Variants in DNAAF2 observed in about 807,000 individuals in gnomAD.
DNAAF2 encodes the protein protein kintoun.
Under a neutral mutation model 48.8 loss-of-function variants are expected in DNAAF2, and 58 were observed. The observed-to-expected ratio is 1.19, with a 90% confidence interval of 0.96 to 1.48. DNAAF2 has a LOEUF of 1.48. Ranked by LOEUF, DNAAF2 falls within the 40% of genes most tolerant of loss-of-function variation. The probability of loss-of-function intolerance (pLI) is 0.00; values close to 1 mark genes in which losing one functional copy is unlikely to be tolerated. For missense variants in DNAAF2, 1,241 were observed against 1,116.1 expected, an observed-to-expected ratio of 1.11 and a Z score of -1.59; for synonymous variants, 567 against 481.2, an observed-to-expected ratio of 1.18 and a Z score of -2.33.
chr14:49,625,470 C>G lies in DNAAF2; in HGVS notation c.*72G>C. 1 of 1,159,000 alleles carries G rather than the reference C, an allele frequency of 8.6e-7. No individual in the cohort carries two copies. The highest frequency in any genetic ancestry group is 1.1e-6 in the Non-Finnish European group (1 of 881,684). 71.8% of individuals were successfully genotyped at this position (1,159,000 alleles called of 1,614,324 possible). On this transcript the variant is annotated 3_prime_UTR_variant, in exon 3 of 3. Transcript: ENST00000298292. Reference sequence around the variant, plus strand: ...TTTAATACCTTTAGTTTTAAGACAACAGTTAACAGAATCAATTTTAGATAC... The same window carrying G: ...TTTAATACCTTTAGTTTTAAGACAAGAGTTAACAGAATCAATTTTAGATAC...
intron 2 of DNAAF2, among the ~76,000 whole-genome samples, chr14:49,626,344 C>A (rs553342724): frequency 6.6e-6 from 1 of 151,982 alleles, no homozygotes; most frequent in African/African-American, 2.4e-5. Flanking sequence ...AAAAATTAGC[C>A]GGGTGTGGTG....
rs184785915 is a variant in DNAAF2 at position 49,625,945 on chromosome 14, G to A, written c.2111C>T (p.Pro704Leu). Reference sequence around the variant, plus strand: ...TATAGATGAATCAGAATCAGTTGTAGGGGTGTTACAATGTTCTATATATTC... The same window carrying A: ...TATAGATGAATCAGAATCAGTTGTAAGGGTGTTACAATGTTCTATATATTC... ...EKEYIEHCNT[P>L]TTDSDSSIAV... Residue 704 changes from proline (P) to leucine (L), a missense_variant, in exon 3 of 3, where the codon CCT (proline) becomes CTT (leucine). By Grantham distance (98) the Pro-to-Leu change is moderately conservative. Coordinates refer to ENST00000298292, the MANE Select transcript of DNAAF2 (RefSeq NM_018139.3). 6.2e-7 allele frequency: 1 copy of A among 1,612,948 alleles called. No individual in the cohort carries two copies. Among genetic ancestry groups the A allele is most frequent in the African/African-American group, 1.3e-5 (1 of 74,972 alleles).
chr14:49,633,528 G>A lies in DNAAF2; in HGVS notation c.1622C>T (p.Pro541Leu), dbSNP rs757899121. ...TTGAAGACTTTGCGGCTGGATCCGA[G>A]GCACCTGAATGAGCAGAGTCAAGGT... is the stretch of plus-strand genomic sequence containing the variant. ...KETLTLLIQV[P>L]RIQPQSLQGD... Residue 541 changes from proline (P) to leucine (L), a missense_variant, in exon 1 of 3, where the codon CCT becomes CTT. Pro to Leu is a moderately conservative substitution (Grantham distance 98). Coordinates refer to ENST00000298292, the MANE Select transcript of DNAAF2 (RefSeq NM_018139.3). 15 of 1,614,050 alleles carry A rather than the reference G, an allele frequency of 9.3e-6. No individual in the cohort carries two copies. In the East Asian group the frequency reaches 3.1e-4, roughly 34 times the overall value.
chr14:49,635,111 C>A lies in DNAAF2; in HGVS notation c.39G>T (p.Leu13Phe). 6.4e-7 allele frequency: 1 copy of A among 1,573,762 alleles called. No individual in the cohort carries two copies. The highest frequency in any genetic ancestry group is 8.6e-7 in the Non-Finnish European group (1 of 1,160,482). Residue 13 changes from leucine to phenylalanine, a missense_variant, in exon 1 of 3, where the codon TTG becomes TTT. By Grantham distance (22) the Leu-to-Phe change is conservative (BLOSUM62 0). Coordinates refer to ENST00000298292, the MANE Select transcript of DNAAF2 (RefSeq NM_018139.3). ...KAAASSSLED[L>F]DLSGEEVQRL... Reference sequence around the variant, plus strand: ...GCTGGACCTCCTCTCCGCTCAGGTCCAAGTCCTCCAGCGACGAGGAGGCCG... The same window carrying A: ...GCTGGACCTCCTCTCCGCTCAGGTCAAAGTCCTCCAGCGACGAGGAGGCCG...
rs1883214634 is a variant in DNAAF2 at position 49,633,347 on chromosome 14, A to C, written c.1803T>G (p.Ser601=). 1.2e-6 allele frequency: 2 copies of C among 1,613,912 alleles called. No individual in the cohort carries two copies. Among genetic ancestry groups the C allele is most frequent in the Admixed American group, 1.7e-5 (1 of 59,994 alleles). The change falls in exon 1 of 3, where the codon TCT becomes TCG. Residue 601 remains serine (S), a synonymous_variant. Transcript: ENST00000298292. ...SNNAVIELAK[S]PESHGHWREW... Reference sequence around the variant, plus strand: ...CTCTCCAATGTCCATGGCTCTCTGGAGATTTTGCCAGTTCTATCACTGCAT... The same window carrying C: ...CTCTCCAATGTCCATGGCTCTCTGGCGATTTTGCCAGTTCTATCACTGCAT...
chr14:49,629,790 G>A (rs1883105715), intron 1 of DNAAF2: 1 of 152,220 alleles, frequency 6.6e-6, no homozygotes, highest in African/African-American at 2.4e-5. Flanking sequence ...ACGGGCGTGA[G>A]CCACTGCACC....
intron 1 of DNAAF2, among the ~76,000 whole-genome samples, chr14:49,631,826 T>C (rs1342716757): frequency 6.6e-6 from 1 of 152,236 alleles, no homozygotes; most frequent in Non-Finnish European, 1.5e-5. Flanking sequence ...CTCTTTATGA[T>C]TATTTTCATG....
In DNAAF2 at chr14:49,633,566, A is replaced by C; in HGVS notation, c.1584T>G (p.Asn528Lys). ...GEPLCPPLLC[N>K]QDKETLTLLI... ...GCAGAGTCAAGGTTTCTTTGTCCTGATTACACAGTAACGGAGGACACAAAG... is the reference window on the plus strand; with the variant it reads ...GCAGAGTCAAGGTTTCTTTGTCCTGCTTACACAGTAACGGAGGACACAAAG... Residue 528 changes from asparagine (N) to lysine (K), a missense_variant, in exon 1 of 3, where the codon AAT becomes AAG. Coordinates refer to ENST00000298292, the MANE Select transcript of DNAAF2 (RefSeq NM_018139.3). 1.2e-6 allele frequency: 2 copies of C among 1,613,982 alleles called. No homozygotes were observed. Among genetic ancestry groups the C allele is most frequent in the Non-Finnish European group, 8.5e-7 (1 of 1,179,866 alleles).
chr14:49,629,974 A>AT (rs1364576479), intron 1 of DNAAF2: 1 of 151,834 alleles, frequency 6.6e-6, no homozygotes, highest in African/African-American at 2.4e-5. Context: ...GCTCATGCTT[A>AT]TAATTCCAGC....
Position 49,625,980 on chromosome 14 carries a change from T to C in DNAAF2, c.2076A>G (p.Leu692=), listed in dbSNP as rs756370749. 1 of 1,598,426 alleles carries C rather than the reference T, an allele frequency of 6.3e-7. No individual in the cohort carries two copies. Among genetic ancestry groups the C allele is most frequent in the East Asian group, 2.2e-5 (1 of 44,664 alleles). ...AATGTTCTATATATTCCTTTTCAGT[T>C]AGATGACTTTCTTCATTTACTCTTT... ...KEERVNEESH[L]TEKEYIEHCN... is the part of the protein sequence containing the mutation. The change falls in exon 3 of 3, where the codon CTA becomes CTG. Residue 692 remains leucine (L), a synonymous_variant. Transcript: ENST00000298292.
At position 49,634,495 on chromosome 14, in the gene DNAAF2, C is replaced by T. The variant is rs780398296; in HGVS notation, c.655G>A (p.Gly219Ser). ...IPARPDGEPK[G>S]PLPDFPYPYQ... ...GGGTAGGGGAAGTCCGGGAGAGGAC[C>T]CTTCGGCTCCCCGTCAGGCCTTGCG... The change falls in exon 1 of 3, where the codon GGT (glycine) becomes AGT (serine). Residue 219 changes from glycine (G) to serine (S), a missense_variant. Coordinates refer to ENST00000298292, the MANE Select transcript of DNAAF2 (RefSeq NM_018139.3). The T allele has an allele frequency of 5.0e-6, 8 of 1,593,068 alleles. No individual in the cohort carries two copies. The highest frequency in any genetic ancestry group is 2.7e-5 in the African/African-American group (2 of 74,676).
Position 49,634,107 on chromosome 14 carries a change from A to T in DNAAF2, c.1043T>A (p.Val348Glu), listed in dbSNP as rs1446046482. 6.5e-7 allele frequency: 1 copy of T among 1,549,244 alleles called. No individual in the cohort carries two copies. The highest frequency in any genetic ancestry group is 1.2e-5 in the South Asian group (1 of 84,372). Residue 348 changes from valine to glutamate, a missense_variant, in exon 1 of 3, where the codon GTG (valine) becomes GAG (glutamate). Transcript: ENST00000298292. ...CTCCCGGCGCGCGGCCGGCAGCACC[A>T]CTGGCAGCGTAACCACCAGCTGCCG... ...ARRQLVVTLP[V>E]VLPAARREPA...
chr14:49,625,656 T>A lies in DNAAF2; in HGVS notation c.2400A>T (p.Gly800=), dbSNP rs745606430. 1.8e-5 allele frequency: 29 copies of A among 1,613,770 alleles called. No homozygotes were observed. The highest frequency in any genetic ancestry group is 2.4e-5 in the Non-Finnish European group (28 of 1,179,768). The change falls in exon 3 of 3, where the codon GGA becomes GGT. Residue 800 remains glycine (G), a synonymous_variant. Transcript: ENST00000298292. ...TATTGGTTTCTTTTATGCTGTCGAA[T>A]CCAGGTATATTGTGAACCGTAGTTT... ...LNKTTVHNIP[G]FDSIKETNMQ...
chr14:49,631,549 C>A (rs941162611), intron 1 of DNAAF2, among the ~76,000 whole-genome samples: 2 of 152,080 alleles, frequency 1.3e-5, no homozygotes, highest in Admixed American at 1.3e-4. Flanking sequence ...GGCGTGAACC[C>A]GGGAGGTGGA....
At position 49,634,485 on chromosome 14, in the gene DNAAF2, G is replaced by C. The variant is rs779279663; in HGVS notation, c.665C>G (p.Pro222Arg). The C allele has an allele frequency of 8.8e-6, 14 of 1,586,946 alleles. No individual in the cohort carries two copies. Among genetic ancestry groups the C allele is most frequent in the Admixed American group, 3.5e-5 (2 of 57,418 alleles). Residue 222 changes from proline to arginine, a missense_variant, in exon 1 of 3, where the codon CCG becomes CGG. Physicochemically the swap from Pro to Arg is moderately radical, Grantham distance 103. Coordinates refer to ENST00000298292, the MANE Select transcript of DNAAF2 (RefSeq NM_018139.3). Reference sequence around the variant, plus strand: ...GTACTGGTAAGGGTAGGGGAAGTCCGGGAGAGGACCCTTCGGCTCCCCGTC... The same window carrying C: ...GTACTGGTAAGGGTAGGGGAAGTCCCGGAGAGGACCCTTCGGCTCCCCGTC... ...RPDGEPKGPL[P>R]DFPYPYQYPA... is the part of the protein sequence containing the mutation.
In DNAAF2 at chr14:49,633,648, G is replaced by A. The variant is rs375822050; in HGVS notation, c.1502C>T (p.Thr501Met). The change falls in exon 1 of 3, where the codon ACG becomes ATG. Residue 501 changes from threonine to methionine, a missense_variant. Thr to Met is a moderately conservative substitution (Grantham distance 81, BLOSUM62 -1). Coordinates refer to ENST00000298292, the MANE Select transcript of DNAAF2 (RefSeq NM_018139.3). ...GGCGCAGGCTGAGCGCTGGCCGCCC[G>A]TGCCCTCCGACTCCTCGCGTGTTTC... is the stretch of plus-strand genomic sequence containing the variant. ...SVETREESEG[T>M]GGQRSACAMG... The A allele has an allele frequency of 6.2e-6, 10 of 1,612,436 alleles. No individual in the cohort carries two copies. In the East Asian group the frequency reaches 8.9e-5, roughly 14 times the overall value.
In DNAAF2 at chr14:49,633,995, C is replaced by G; in HGVS notation, c.1155G>C (p.Glu385Asp). ...TDGQACASAREGEAGPARSRA... is the reference protein window; with the variant it reads ...TDGQACASARDGEAGPARSRA... ...GACTCCTCGCGGGTCCCGCCTCCCC[C>G]TCGCGAGCGGAAGCGCAGGCCTGGC... Residue 385 changes from glutamate (E) to aspartate (D), a missense_variant, in exon 1 of 3, where the codon GAG (glutamate) becomes GAC (aspartate). By Grantham distance (45) the Glu-to-Asp change is conservative. Coordinates refer to ENST00000298292, the MANE Select transcript of DNAAF2 (RefSeq NM_018139.3). The G allele has an allele frequency of 1.3e-6, 2 of 1,523,996 alleles. No homozygotes were observed. 94.4% of individuals were successfully genotyped at this position (1,523,996 alleles called of 1,614,324 possible). A position where few individuals can be genotyped will look rare whatever the true frequency, so the allele number is the denominator to read the frequency against.
chr14:49,634,416 G>T lies in DNAAF2; in HGVS notation c.734C>A (p.Ala245Asp). 1 of 1,572,696 alleles carries T rather than the reference G, an allele frequency of 6.4e-7. No individual in the cohort carries two copies. Residue 245 changes from alanine to aspartate, a missense_variant, in exon 1 of 3, where the codon GCC (alanine) becomes GAC (aspartate). Ala to Asp is a moderately radical substitution (Grantham distance 126). Transcript: ENST00000298292. ...GPRAPSPPEA[A>D]LQPAPTEPRY... ...AGGCTCGGTGGGGGCGGGCTGCAAG[G>T]CCGCTTCCGGAGGGGAGGGCGCCCG...
rs776769947 is a variant in DNAAF2 at position 49,633,741 on chromosome 14, A to C, written c.1409T>G (p.Leu470Trp). Residue 470 changes from leucine (L) to tryptophan (W), a missense_variant, in exon 1 of 3, where the codon TTG (leucine) becomes TGG (tryptophan). Leu to Trp is a moderately conservative substitution (Grantham distance 61). Transcript: ENST00000298292. ...NSPGGGGSPC[L>W]SSRSLAWGSS... ...ACCCCACGCCAGGCTCCGGGAGGACAAACAAGGGGAGCCTCCGCCACCAGG... is the reference window on the plus strand; with the variant it reads ...ACCCCACGCCAGGCTCCGGGAGGACCAACAAGGGGAGCCTCCGCCACCAGG... 6.3e-7 allele frequency: 1 copy of C among 1,593,424 alleles called. No individual in the cohort carries two copies. The highest frequency in any genetic ancestry group is 8.5e-7 in the Non-Finnish European group (1 of 1,171,098).
Sources: gnomAD v4.1 joint callset for allele counts (sites outside exome capture counted in the v4.1 genomes callset) on GRCh38, gnomAD v4.1.1 for gene constraint, MANE v1.5 for transcripts, NCBI Gene and HGNC (gene_info 2026-07-23, HGNC 2026-07-21) for gene names.